Variants in SLC30A4 observed in about 807,000 individuals in gnomAD.
The protein encoded by SLC30A4 is solute carrier family 30 member 4.
SLC30A4 carries 20 observed loss-of-function variants against 41.7 expected under a neutral mutation model. The observed-to-expected ratio is 0.48, with a 90% confidence interval of 0.34 to 0.70. The LOEUF (loss-of-function observed/expected upper bound fraction) is 0.70. Ranked by LOEUF, SLC30A4 falls within the 30% of genes least tolerant of loss-of-function variation. The probability of loss-of-function intolerance (pLI) is 0.01; values close to 1 mark genes in which losing one functional copy is unlikely to be tolerated. For missense variants in SLC30A4, 441 were observed against 529.3 expected (o/e 0.83, Z 1.64); for synonymous variants, 181 against 195.9 (o/e 0.92, Z 0.64).
chr15:45,517,147 C>CTT (rs201504708), intron 2 of SLC30A4, among the ~76,000 whole-genome samples: 2 of 151,388 alleles, frequency 1.3e-5, no homozygotes, highest in African/African-American at 4.9e-5. Context: ...GAAATACTCT[C>CTT]TTTTTTAAAA....
intron 3 of SLC30A4, 80 bp from the exon 4 acceptor site, chr15:45,490,961 T>TGG: frequency 1.1e-6 from 1 of 918,618 alleles, no homozygotes; most frequent in Non-Finnish European, 1.6e-6. Context: ...TATATAGTCT[T>TGG]TTTTATATTC....
intron 5 of SLC30A4, among the ~76,000 whole-genome samples, chr15:45,488,368 T>G (rs1163468622): frequency 6.6e-6 from 1 of 152,098 alleles, no homozygotes; most frequent in Admixed American, 6.6e-5. Context: ...AGGCCAGGAA[T>G]TCGAGACCAG....
intron 3 of SLC30A4, among the ~76,000 whole-genome samples, chr15:45,492,745 A>G (rs1425825376): frequency 6.6e-6 from 1 of 152,176 alleles, no homozygotes; most frequent in Non-Finnish European, 1.5e-5. Flanking sequence ...TATAAAAAAA[A>G]AGAAAAAAGA....
intron 3 of SLC30A4, among the ~76,000 whole-genome samples, chr15:45,493,671 CAA>C (rs1268970468): frequency 6.6e-6 from 1 of 151,950 alleles, no homozygotes; most frequent in Non-Finnish European, 1.5e-5. Flanking sequence ...ACTAAAAGTA[CAA>C]AAATTAGCTG....
chr15:45,509,055 C>T (rs948146978), intron 3 of SLC30A4, among the ~76,000 whole-genome samples: 1 of 148,392 alleles, frequency 6.7e-6, no homozygotes, highest in Non-Finnish European at 1.5e-5. Context: ...TGTACTCTCT[C>T]AAGCAGTGTT....
Position 45,485,191 on chromosome 15 carries a change from C to A in SLC30A4, c.1262G>T (p.Cys421Phe). ...QSYRQEVDRT[C>F]ANCQSSSP The stretch of plus-strand genomic sequence containing the variant: ...GGGACTAGAACTCTGACAATTTGCA[C>A]AAGTTCTGTCCACTTCTTGCCTGTA... The change falls in exon 8 of 8, where the codon TGT becomes TTT. Residue 421 changes from cysteine to phenylalanine, a missense_variant. Around this residue, in one of 3 missense-constraint regions of SLC30A4, gnomAD observed 100 missense variants for 121.0 expected, o/e 0.83. Transcript: ENST00000261867. 6.2e-7 allele frequency: 1 copy of A among 1,612,490 alleles called. No individual in the cohort carries two copies. The highest frequency in any genetic ancestry group is 1.1e-5 in the South Asian group (1 of 90,654).
rs766487873 is a variant in SLC30A4, at chr15:45,486,674, C to T, written c.1072G>A (p.Glu358Lys). 8.7e-6 allele frequency: 14 copies of T among 1,602,588 alleles called. No individual in the cohort carries two copies. Among genetic ancestry groups the T allele is most frequent in the African/African-American group, 2.7e-5 (2 of 74,246 alleles). Residue 358 changes from glutamate (E) to lysine (K), a missense_variant, in exon 7 of 8, where the codon GAA (glutamate) becomes AAA (lysine). Around this residue, in one of 3 missense-constraint regions of SLC30A4, gnomAD observed 100 missense variants for 121.0 expected, o/e 0.83. Coordinates refer to ENST00000261867, the MANE Select transcript of SLC30A4 (RefSeq NM_013309.6). The stretch of plus-strand genomic sequence containing the variant: ...GTGAGAGACCAGATATTTAAATCTT[C>T]GACTGAATATACATCTTCTATTTTC... ...LMKIEDVYSV[E>K]DLNIWSLTSG...
At chr15:45,511,700 T>G (rs1049547105) in intron 2 of SLC30A4, among the ~76,000 whole-genome samples, 1 of 152,200 alleles carries the variant, frequency 6.6e-6, no homozygotes, top group African/African-American at 2.4e-5. Context: ...GCCAGGCTGG[T>G]CTCAAACTCC....
At chr15:45,489,246 G>C (rs1357929275) in intron 4 of SLC30A4, among the ~76,000 whole-genome samples, 1 of 152,088 alleles carries the variant, frequency 6.6e-6, no homozygotes, top group Non-Finnish European at 1.5e-5. Context: ...TTATGTTCTA[G>C]TAGAGAAGGC....
chr15:45,483,883 A>G lies in SLC30A4; in HGVS notation c.*1280T>C, dbSNP rs1392440207. The stretch of plus-strand genomic sequence containing the variant: ...GACTCTCTCAAGAACAAAAACAAAA[A>G]CAAAACCACACACATATATAAGGTC... On this transcript the variant is annotated 3_prime_UTR_variant, in exon 8 of 8. Transcript: ENST00000261867. 1 of 152,308 alleles carries G rather than the reference A, an allele frequency of 6.6e-6. No individual in the cohort carries two copies. Among genetic ancestry groups the G allele is most frequent in the South Asian group, 2.1e-4 (1 of 4,836 alleles). 9.4% of individuals were successfully genotyped at this position (152,308 alleles called of 1,614,324 possible). A position where few individuals can be genotyped will look rare whatever the true frequency, so the allele number is the denominator to read the frequency against.
chr15:45,491,172 C>T (rs977599642), intron 3 of SLC30A4, among the ~76,000 whole-genome samples: 3 of 152,034 alleles, frequency 2.0e-5, no homozygotes, highest in African/African-American at 7.2e-5. Context: ...TAGGCACATG[C>T]CACCACACCT....
Position 45,522,162 on chromosome 15 carries a change from C to T in SLC30A4, c.193G>A (p.Ala65Thr), listed in dbSNP as rs376504317. The T allele has an allele frequency of 1.2e-6, 2 of 1,614,222 alleles. No homozygotes were observed. Among genetic ancestry groups the T allele is most frequent in the Non-Finnish European group, 1.7e-6 (2 of 1,180,034 alleles). ...TCGTCGGCCTGGAGGGTCGGGTGCGCCCCGTTAACAGGCCTTTCCGGGGCT... is the reference window on the plus strand; with the variant it reads ...TCGTCGGCCTGGAGGGTCGGGTGCGTCCCGTTAACAGGCCTTTCCGGGGCT... ...SEAPERPVNGAHPTLQADDDS... is the reference protein window; with the variant it reads ...SEAPERPVNGTHPTLQADDDS... The change falls in exon 2 of 8, where the codon GCG (alanine) becomes ACG (threonine). Residue 65 changes from alanine to threonine, a missense_variant. By Grantham distance (58) the Ala-to-Thr change is moderately conservative. Around this residue, in one of 3 missense-constraint regions of SLC30A4, gnomAD observed 312 missense variants for 341.9 expected, o/e 0.91. Transcript: ENST00000261867.
Position 45,522,164 on chromosome 15 carries a change from C to A in SLC30A4, c.191G>T (p.Gly64Val), listed in dbSNP as rs1427098566. The change falls in exon 2 of 8, where the codon GGG becomes GTG. Residue 64 changes from glycine (G) to valine (V), a missense_variant. Coordinates refer to ENST00000261867, the MANE Select transcript of SLC30A4 (RefSeq NM_013309.6). The stretch of plus-strand genomic sequence containing the variant: ...GTCGGCCTGGAGGGTCGGGTGCGCC[C>A]CGTTAACAGGCCTTTCCGGGGCTTC... Reference protein sequence around the residue: ...GSEAPERPVNGAHPTLQADDD... With the variant: ...GSEAPERPVNVAHPTLQADDD... The A allele has an allele frequency of 1.2e-6, 2 of 1,614,222 alleles. No individual in the cohort carries two copies. Among genetic ancestry groups the A allele is most frequent in the Admixed American group, 3.3e-5 (2 of 60,028 alleles).
chr15:45,501,433 T>C (rs931024979), intron 3 of SLC30A4, among the ~76,000 whole-genome samples: 4 of 152,250 alleles, frequency 2.6e-5, no homozygotes, highest in Non-Finnish European at 4.4e-5. Context: ...TTAAGGATTA[T>C]GCATTGTTCT....
At chr15:45,521,818 C>T (rs1265198174) in intron 2 of SLC30A4, 146 bp downstream of exon 2, 2 of 743,030 alleles carry the variant, frequency 2.7e-6, no homozygotes, top group East Asian at 2.7e-5. Flanking sequence ...ACTTTGGAAC[C>T]GTGTGGCCTT....
intron 3 of SLC30A4, among the ~76,000 whole-genome samples, chr15:45,499,081 AT>A (rs58257947): frequency 0.08 from 10,591 of 132,804 alleles, 951 homozygotes; most frequent in African/African-American, 0.27. Context: ...GCCTAGGCTG[AT>A]TTTTTTTTTT....
In SLC30A4 at chr15:45,489,164, A is replaced by G. The variant is rs1891762366; in HGVS notation, c.693-122T>C. 4 of 732,328 alleles carry G rather than the reference A, an allele frequency of 5.5e-6. No homozygotes were observed. The East Asian group carries it at 8.1e-5, about 15-fold the overall frequency. The allele number at this position is 732,328 out of a possible 1,614,324, so 45.4% of individuals were successfully genotyped here. On this transcript the variant is annotated intron_variant, in intron 4 of 7. Coordinates refer to ENST00000261867, the MANE Select transcript of SLC30A4 (RefSeq NM_013309.6). ...ATTTAATAAATTTGGAGCAACTATT[A>G]TTTATCAGTACTGTTCTAGGTACTT...
At chr15:45,517,345 C>CTTTTT (rs1166130286) in intron 2 of SLC30A4, among the ~76,000 whole-genome samples, 258 of 65,558 alleles carry the variant, frequency 3.9e-3, no homozygotes, top group East Asian at 7.3e-3. Context: ...CCAATCCATT[C>CTTTTT]TTTTTTTTTT....
chr15:45,514,663 C>T (rs145483360), intron 2 of SLC30A4, among the ~76,000 whole-genome samples: 1,734 of 151,136 alleles, frequency 0.011, 21 homozygotes, highest in African/African-American at 0.04. Flanking sequence ...TGCAGGCATG[C>T]GCCACCACGC....
Sources: allele counts gnomAD v4.1 joint callset (sites outside exome capture counted in the v4.1 genomes callset), GRCh38; gene constraint gnomAD v4.1.1; regional missense constraint gnomAD v4.1.1; transcripts MANE v1.5; gene names NCBI Gene and HGNC (gene_info 2026-07-23, HGNC 2026-07-21).